The following ELMOD3 variants were observed in gnomAD, a reference collection of about 807,000 sequenced individuals.
ELMOD3 encodes the protein ELMO domain-containing protein 3.
Under a neutral mutation model 47.4 loss-of-function variants are expected in ELMOD3, and 36 were observed. The ratio of observed to expected loss-of-function variants is 0.76; its 90% CI spans 0.58 to 1.00. ELMOD3 has a LOEUF of 1.00. Ranked by LOEUF, ELMOD3 falls within the 50% of genes least tolerant of loss-of-function variation. ELMOD3 has a pLI of 0.00. For synonymous variants in ELMOD3, 149 were observed against 183.5 expected, an observed-to-expected ratio of 0.81 and a Z score of 1.52; for missense variants, 404 against 463.8, an observed-to-expected ratio of 0.87 and a Z score of 1.18.
intron 11 of ELMOD3, chr2:85,387,074 T>G: frequency 7.7e-7 from 1 of 1,300,758 alleles, no homozygotes; most frequent in Non-Finnish European, 1.0e-6. Context: ...GTTACCATAC[T>G]GTTTTTCTCA....
Position 85,363,138 on chromosome 2 carries a change from C to G in ELMOD3, c.171C>G (p.Thr57=), listed in dbSNP as rs780357560. ...LKNHGILQAL[T]TEAYEWEPRV... ...ACCATGGCATTCTCCAGGCTCTGAC[C>G]ACAGAAGCTTATGAATGGGAGCCAC... Residue 57 remains threonine (T), a synonymous_variant, in exon 6 of 14, where the codon ACC becomes ACG. Coordinates refer to ENST00000409013, the MANE Select transcript of ELMOD3 (RefSeq NM_001135022.2). The G allele has an allele frequency of 6.2e-7, 1 of 1,612,336 alleles. No individual in the cohort carries two copies. The highest frequency in any genetic ancestry group is 1.3e-5 in the African/African-American group (1 of 74,850).
intron 11 of ELMOD3, among the ~76,000 whole-genome samples, chr2:85,382,638 C>G (rs1167730524): frequency 6.6e-6 from 1 of 151,478 alleles, no homozygotes; most frequent in Non-Finnish European, 1.5e-5. Flanking sequence ...GCCTCAGCCT[C>G]CCGAGTAGCT....
rs1182263056 is a variant in ELMOD3 at position 85,390,816 on chromosome 2, T to C, written c.1000T>C (p.Tyr334His). The change falls in exon 14 of 14, where the codon TAC becomes CAC. Residue 334 changes from tyrosine (Y) to histidine (H), a missense_variant. Coordinates refer to ENST00000409013, the MANE Select transcript of ELMOD3 (RefSeq NM_001135022.2). Reference sequence around the variant, plus strand: ...GCGGCTGCTCAAGACCCTGGAGCTGTACTTGGCCAGGGTGTCAAAGGGACA... The same window carrying C: ...GCGGCTGCTCAAGACCCTGGAGCTGCACTTGGCCAGGGTGTCAAAGGGACA... The part of the protein sequence containing the change: ...PRRLLKTLEL[Y>H]LARVSKGQAS... The C allele has an allele frequency of 1.3e-6, 2 of 1,551,470 alleles. No homozygotes were observed. Among genetic ancestry groups the C allele is most frequent in the Admixed American group, 2.0e-5 (1 of 50,982 alleles).
intron 11 of ELMOD3, among the ~76,000 whole-genome samples, chr2:85,388,298 T>C (rs1686079800): frequency 6.6e-6 from 1 of 152,194 alleles, no homozygotes; most frequent in African/African-American, 2.4e-5. Flanking sequence ...ACTATCTTGT[T>C]TGCATGAGCA....
chr2:85,365,792 T>C (rs1443387023), intron 6 of ELMOD3, among the ~76,000 whole-genome samples: 1 of 152,182 alleles, frequency 6.6e-6, no homozygotes, highest in East Asian at 1.9e-4. Context: ...TCAAGCTGTT[T>C]GTAGGCGAGG....
At chr2:85,385,373 G>A (rs910012834) in intron 11 of ELMOD3, among the ~76,000 whole-genome samples, 22 of 152,184 alleles carry the variant, frequency 1.4e-4, no homozygotes. Context: ...AGGGAGATAG[G>A]GGTGGGGCCA....
At chr2:85,357,290 T>G in intron 4 of ELMOD3, 38 bp downstream of exon 4, 1 of 1,358,582 alleles carries the variant, frequency 7.4e-7, no homozygotes, top group Admixed American at 1.8e-5. Flanking sequence ...GTGGTGTTGG[T>G]TTGAGATATA....
chr2:85,371,641 C>T (rs1684795966), intron 10 of ELMOD3, 79 bp downstream of exon 10: 2 of 1,582,956 alleles, frequency 1.3e-6, no homozygotes, highest in African/African-American at 1.3e-5. Flanking sequence ...TCGTTCTCTT[C>T]CAGTGCTATG....
At chr2:85,382,740 T>G (rs1372234669) in intron 11 of ELMOD3, among the ~76,000 whole-genome samples, 2 of 152,208 alleles carry the variant, frequency 1.3e-5, no homozygotes, top group East Asian at 3.9e-4. Context: ...GGTCTCGAAC[T>G]CTGGACCTCA....
chr2:85,368,803 G>A, intron 7 of ELMOD3, 49 bp downstream of exon 7: 1 of 1,597,260 alleles, frequency 6.3e-7, no homozygotes, highest in Non-Finnish European at 8.6e-7. Flanking sequence ...TGCCAGCAAA[G>A]GCACCATCCA....
In ELMOD3 at chr2:85,368,751, A is replaced by G; in HGVS notation, c.265A>G (p.Thr89Ala). ...WEAVDTIQPE[T>A]GSQASSEQPG... Reference sequence around the variant, plus strand: ...AGCTGTGGACACCATCCAGCCAGAGACAGGTAACTGTACGAATGCTGCTGT... The same window carrying G: ...AGCTGTGGACACCATCCAGCCAGAGGCAGGTAACTGTACGAATGCTGCTGT... Residue 89 changes from threonine (T) to alanine (A), a missense_variant, in exon 7 of 14, where the codon ACA becomes GCA. By Grantham distance (58) the Thr-to-Ala change is moderately conservative. Coordinates refer to ENST00000409013, the MANE Select transcript of ELMOD3 (RefSeq NM_001135022.2). 6.2e-7 allele frequency: 1 copy of G among 1,614,140 alleles called. No homozygotes were observed. Among genetic ancestry groups the G allele is most frequent in the Non-Finnish European group, 8.5e-7 (1 of 1,180,008 alleles).
chr2:85,362,365 A>T, intron 5 of ELMOD3, 105 bp downstream of exon 5: 1 of 777,112 alleles, frequency 1.3e-6, no homozygotes, highest in Non-Finnish European at 2.3e-6. Context: ...GGTGGCATAG[A>T]CCTTAGCTTC....
rs200486017 is a variant in ELMOD3, at chr2:85,382,956, A to C, written c.738+5482A>C. Reference sequence around the variant, plus strand: ...AGAAGCAGGAAAAAAAAAAAAAAACAAAAAAAACTCATCTTCCCTGTTAGA... The same window carrying C: ...AGAAGCAGGAAAAAAAAAAAAAAACCAAAAAAACTCATCTTCCCTGTTAGA... On this transcript the variant is annotated intron_variant, in intron 11 of 13. Transcript: ENST00000409013. Among the ~76,000 whole-genome samples the C allele has an allele frequency of 1.9e-3, 138 of 71,628 alleles. No individual in the cohort carries two copies. In the South Asian group the frequency reaches 0.056, roughly 29 times the overall value. The allele number at this position is 71,628 out of a possible 152,430, so 47.0% of individuals were successfully genotyped here.
chr2:85,379,725 A>G (rs1289657544), intron 11 of ELMOD3, among the ~76,000 whole-genome samples: 4 of 152,338 alleles, frequency 2.6e-5, no homozygotes, highest in African/African-American at 9.6e-5. Flanking sequence ...GATTATTTGT[A>G]TAAAGTACAG....
chr2:85,390,457 G>A lies in ELMOD3; in HGVS notation c.943+192G>A, dbSNP rs374686859. The A allele has an allele frequency of 3.7e-5, 60 of 1,613,820 alleles. No individual in the cohort carries two copies. In the Middle Eastern group the frequency reaches 6.6e-4, roughly 18 times the overall value. ...TTCTCCTTTCTCTGCCCTGACTGTC[G>A]CCCTTTTCTGGTCTTATACTTATGA... On this transcript the variant is annotated intron_variant, in intron 13 of 13. Coordinates refer to ENST00000409013, the MANE Select transcript of ELMOD3 (RefSeq NM_001135022.2).
At chr2:85,369,982 T>C (rs557561806) in intron 8 of ELMOD3, 152 bp downstream of exon 8, 29 of 906,494 alleles carry the variant, frequency 3.2e-5, no homozygotes, top group Middle Eastern at 6.8e-4. Flanking sequence ...CATGCTTCAT[T>C]TGGGGCCTTG....
intron 1 of ELMOD3, 33 bp from the exon 2 acceptor site, chr2:85,355,043 T>G (rs1465396784): frequency 6.5e-6 from 1 of 153,964 alleles, no homozygotes; most frequent in Admixed American, 6.4e-5. Flanking sequence ...TGCCTTGAGG[T>G]GTTAAATTGC....
chr2:85,362,199 C>G lies in ELMOD3; in HGVS notation c.68C>G (p.Ser23Cys). 6.3e-7 allele frequency: 1 copy of G among 1,597,950 alleles called. No homozygotes were observed. The highest frequency in any genetic ancestry group is 8.6e-7 in the Non-Finnish European group (1 of 1,165,364). Reference sequence around the variant, plus strand: ...TCTGTTTTACAGGGTGAAAGATTGTCTGCTGGATATTCTCCATCATATGAC... The same window carrying G: ...TCTGTTTTACAGGGTGAAAGATTGTGTGCTGGATATTCTCCATCATATGAC... ...ELRDGQGERL[S>C]AGYSPSYDKD... The change falls in exon 5 of 14, where the codon TCT becomes TGT. Residue 23 changes from serine (S) to cysteine (C), a missense_variant. By Grantham distance (112) the Ser-to-Cys change is moderately radical. Coordinates refer to ENST00000409013, the MANE Select transcript of ELMOD3 (RefSeq NM_001135022.2).
At chr2:85,377,136 G>A (rs1188930725) in intron 10 of ELMOD3, among the ~76,000 whole-genome samples, 2 of 152,212 alleles carry the variant, frequency 1.3e-5, no homozygotes, top group Admixed American at 1.3e-4. Context: ...GATGTGGGAG[G>A]CTGCCTCCAG....
Sources: allele counts gnomAD v4.1 joint callset (sites outside exome capture counted in the v4.1 genomes callset), GRCh38; gene constraint gnomAD v4.1.1; transcripts MANE v1.5; gene names NCBI Gene and HGNC (gene_info 2026-07-23, HGNC 2026-07-21).